Variants in IFT46 observed in about 807,000 individuals in gnomAD.
IFT46 encodes the protein intraflagellar transport protein 46 homolog.
Under a neutral mutation model 39.6 loss-of-function variants are expected in IFT46, and 19 were observed. That is an observed-to-expected ratio of 0.48 (90% CI 0.33 to 0.70). The LOEUF (loss-of-function observed/expected upper bound fraction) is 0.70. Ranked by LOEUF, IFT46 falls within the 30% of genes least tolerant of loss-of-function variation. The pLI, the probability that IFT46 is intolerant of heterozygous loss-of-function variation, is 0.01. For synonymous variants in IFT46, 117 were observed against 134.8 expected, an observed-to-expected ratio of 0.87 and a Z score of 0.91; for missense variants, 334 against 364.8, an observed-to-expected ratio of 0.92 and a Z score of 0.69.
chr11:118,552,383 CTT>C (rs1565346614), intron 7 of IFT46, 48 bp from the exon 8 acceptor site: 3 of 1,604,078 alleles, frequency 1.9e-6, no homozygotes, highest in East Asian at 4.5e-5. Context: ...AAGTAGCTCT[CTT>C]GTTTTTACAG....
upstream of IFT46, among the ~76,000 whole-genome samples, chr11:118,570,688 C>G (rs1938319181): frequency 6.6e-6 from 1 of 152,182 alleles, no homozygotes; most frequent in African/African-American, 2.4e-5. Flanking sequence ...ATCACAAGAA[C>G]AGATTTTGAG....
upstream of IFT46, among the ~76,000 whole-genome samples, chr11:118,574,467 A>G (rs1218279149): frequency 2.6e-5 from 4 of 152,186 alleles, no homozygotes; most frequent in East Asian, 3.8e-4. Flanking sequence ...GAATACCCAT[A>G]TAACCACCAA....
intron 2 of IFT46, among the ~76,000 whole-genome samples, chr11:118,562,029 C>T (rs1210808940): frequency 6.6e-6 from 1 of 152,094 alleles, no homozygotes; most frequent in Non-Finnish European, 1.5e-5. Context: ...AATCCCAGCA[C>T]TTTGGGAGGC....
upstream of IFT46, among the ~76,000 whole-genome samples, chr11:118,568,798 G>A (rs1432666330): frequency 6.6e-6 from 1 of 151,478 alleles, no homozygotes; most frequent in Non-Finnish European, 1.5e-5. Context: ...TGGGACTATA[G>A]GCATGGGCCA....
At chr11:118,572,077 G>A (rs955455981) in intron 1 of IFT46, among the ~76,000 whole-genome samples, 6 of 146,596 alleles carry the variant, frequency 4.1e-5, no homozygotes, top group Non-Finnish European at 8.9e-5. Context: ...GCGACAGAGT[G>A]AGACTCCATC....
At chr11:118,560,091 T>C in intron 2 of IFT46, 1 of 494,902 alleles carries the variant, frequency 2.0e-6, no homozygotes, top group South Asian at 2.7e-5. Flanking sequence ...GACATTATAC[T>C]ATTCAAATTA....
upstream of IFT46, among the ~76,000 whole-genome samples, chr11:118,570,365 A>G (rs566378862): frequency 9.2e-5 from 14 of 152,192 alleles, no homozygotes; most frequent in African/African-American, 3.1e-4. Context: ...CAGCCAGGAG[A>G]AAACTGACTT....
At chr11:118,576,237 G>T (rs1158985134), upstream of IFT46, among the ~76,000 whole-genome samples, 1 of 151,526 alleles carries the variant, frequency 6.6e-6, no homozygotes, top group Non-Finnish European at 1.5e-5. Flanking sequence ...TCCAAAGATA[G>T]TGTACTCAAA....
intron 2 of IFT46, among the ~76,000 whole-genome samples, chr11:118,564,188 C>CAAAAAA (rs34442295): frequency 1.8e-5 from 1 of 55,104 alleles, no homozygotes; most frequent in African/African-American, 7.2e-5. Context: ...GACTCTGTCT[C>CAAAAAA]AAAAAAAAAA....
chr11:118,576,892 C>G (rs999991499), upstream of IFT46, among the ~76,000 whole-genome samples: 7 of 152,126 alleles, frequency 4.6e-5, no homozygotes, highest in Non-Finnish European at 7.3e-5. Context: ...GTACTGAAAG[C>G]CTGGAATTCT....
At chr11:118,573,535 A>G (rs920748939), upstream of IFT46, 7 of 541,656 alleles carry the variant, frequency 1.3e-5, no homozygotes, top group Admixed American at 1.6e-4. Context: ...CAAAAAAGCT[A>G]GTAATTTATT....
intron 2 of IFT46, chr11:118,560,130 T>A (rs1937990295): frequency 2.6e-6 from 1 of 386,938 alleles, no homozygotes; most frequent in Non-Finnish European, 4.6e-6. Flanking sequence ...ATATAAACTC[T>A]GGCCAGGGGC....
At chr11:118,560,980 T>A (rs1938036426) in intron 2 of IFT46, 22 of 1,385,860 alleles carry the variant, frequency 1.6e-5, no homozygotes, top group Non-Finnish European at 2.2e-5. Context: ...ATGCTGCAAC[T>A]TATTGTACTG....
chr11:118,545,648 C>A, intron 10 of IFT46, 145 bp downstream of exon 10: 1 of 1,099,824 alleles, frequency 9.1e-7, no homozygotes. Context: ...CCAAACACCA[C>A]CTTTGAGTGC....
intron 3 of IFT46, 77 bp downstream of exon 3, chr11:118,559,708 C>T (rs1482371756): frequency 2.7e-6 from 3 of 1,107,448 alleles, no homozygotes; most frequent in Non-Finnish European, 4.2e-6. Context: ...GAAATGTTTA[C>T]CGTTGAACTG....
chr11:118,554,421 C>T, intron 7 of IFT46, 38 bp downstream of exon 7: 1 of 1,552,902 alleles, frequency 6.4e-7, no homozygotes, highest in Non-Finnish European at 8.7e-7. Context: ...CACTCTTGGC[C>T]CTCTCCAGCT....
chr11:118,576,882 G>A (rs9735421), upstream of IFT46, among the ~76,000 whole-genome samples: 25,215 of 152,120 alleles, frequency 0.17, 2,663 homozygotes, highest in East Asian at 0.53. Context: ...TCATCTTGAC[G>A]TACTGAAAGC....
At chr11:118,550,359 A>G (rs1951782784) in intron 9 of IFT46, among the ~76,000 whole-genome samples, 1 of 152,216 alleles carries the variant, frequency 6.6e-6, no homozygotes, top group African/African-American at 2.4e-5. Flanking sequence ...TTAAAAAGAG[A>G]TAATTAAATT....
upstream of IFT46, among the ~76,000 whole-genome samples, chr11:118,573,458 A>G (rs1280032285): frequency 1.3e-5 from 2 of 152,234 alleles, no homozygotes; most frequent in Admixed American, 6.5e-5. Context: ...AACTGCTGAC[A>G]TCACTCAATC....
Sources: gnomAD v4.1 joint callset for allele counts (sites outside exome capture counted in the v4.1 genomes callset) on GRCh38, gnomAD v4.1.1 for gene constraint, MANE v1.5 for transcripts, NCBI Gene and HGNC (gene_info 2026-07-23, HGNC 2026-07-21) for gene names.